CDYL: variants seen among roughly 807,000 people sequenced by gnomAD.
The protein encoded by CDYL is chromodomain Y-like protein.
CDYL carries 8 observed loss-of-function variants against 47.3 expected under a neutral mutation model. The ratio of observed to expected loss-of-function variants is 0.17; its 90% CI spans 0.10 to 0.31. The LOEUF (loss-of-function observed/expected upper bound fraction) is 0.31. Among genes scored for constraint, CDYL ranks in the 10% least tolerant of loss-of-function variants. The pLI, the probability that CDYL is intolerant of heterozygous loss-of-function variation, is 1.00. For missense variants in CDYL, 471 were observed against 701.4 expected, an observed-to-expected ratio of 0.67 and a Z score of 3.71; for synonymous variants, 266 against 265.0, an observed-to-expected ratio of 1.00 and a Z score of -0.04.
In CDYL at chr6:4,943,622, G is replaced by A. The variant is rs1323880797; in HGVS notation, c.1198G>A (p.Ala400Thr). Residue 400 changes from alanine to threonine, a missense_variant, in exon 5 of 7, where the codon GCA (alanine) becomes ACA (threonine). Ala to Thr is a moderately conservative substitution (Grantham distance 58). Transcript: ENST00000397588. Reference protein sequence around the residue: ...AVNGPAIGLGASILPLCDVVW... With the variant: ...AVNGPAIGLGTSILPLCDVVW... ...CAATGGCCCAGCCATTGGTCTAGGA[G>A]CATCTATATTGCCTCTTTGCGATGT... 6.2e-7 allele frequency: 1 copy of A among 1,613,980 alleles called. No individual in the cohort carries two copies. The highest frequency in any genetic ancestry group is 8.5e-7 in the Non-Finnish European group (1 of 1,179,954).
chr6:4,735,295 AAAAG>A (rs994154297), intron 3 of CDYL, among the ~76,000 whole-genome samples: 3 of 151,976 alleles, frequency 2.0e-5, no homozygotes, highest in African/African-American at 7.2e-5. Context: ...TGTCTCAAAA[AAAAG>A]AAAAAAAAAA....
At chr6:4,728,211 A>T (rs1757547939) in intron 2 of CDYL, among the ~76,000 whole-genome samples, 1 of 152,212 alleles carries the variant, frequency 6.6e-6, no homozygotes, top group African/African-American at 2.4e-5. Context: ...AGCAAAATTA[A>T]GCTTGCTTGT....
Position 4,802,016 on chromosome 6 carries a change from A to C in CDYL, c.24+25209A>C, listed in dbSNP as rs141418585. Among the ~76,000 whole-genome samples, 657 of 152,198 alleles carry C rather than the reference A, an allele frequency of 4.3e-3. 6 individuals are homozygous for C. The highest frequency in any genetic ancestry group is 0.015 in the African/African-American group (609 of 41,524). ...ATTCTAGTGCTGTCAGAGTGCTTTAAATTTCTAGCTGCTTCCCCAATTCCA... is the reference window on the plus strand; with the variant it reads ...ATTCTAGTGCTGTCAGAGTGCTTTACATTTCTAGCTGCTTCCCCAATTCCA... On this transcript the variant is annotated intron_variant, in intron 1 of 6. Coordinates refer to ENST00000397588, the MANE Select transcript of CDYL (RefSeq NM_004824.4).
intron 1 of CDYL, among the ~76,000 whole-genome samples, chr6:4,825,488 T>C (rs564053346): frequency 2.0e-5 from 3 of 152,328 alleles, no homozygotes; most frequent in African/African-American, 7.2e-5. Flanking sequence ...TTTTCATAAA[T>C]GTCCTTATCA....
intron 1 of CDYL, among the ~76,000 whole-genome samples, chr6:4,888,600 T>G (rs963865720): frequency 2.6e-5 from 4 of 152,188 alleles, no homozygotes; most frequent in Admixed American, 2.0e-4. Flanking sequence ...TTGTGTTGCT[T>G]TTAAAATATT....
chr6:4,773,854 T>C (rs1758375565), upstream of CDYL, among the ~76,000 whole-genome samples: 1 of 152,184 alleles, frequency 6.6e-6, no homozygotes, highest in South Asian at 2.1e-4. The surrounding 1 kb of genome is among the most constrained non-coding windows in gnomAD (Gnocchi z 4.6). Flanking sequence ...ATTGTCAAGA[T>C]TGAAAAGCTA....
At chr6:4,717,811 A>G (rs185411186) in intron 2 of CDYL, among the ~76,000 whole-genome samples, 97 of 145,286 alleles carry the variant, frequency 6.7e-4, no homozygotes, top group African/African-American at 2.3e-3. Context: ...TATTTTTTAC[A>G]TTGTCTTCAC....
chr6:4,718,341 C>T (rs975958089), intron 2 of CDYL, among the ~76,000 whole-genome samples: 8 of 152,146 alleles, frequency 5.3e-5, no homozygotes, highest in Middle Eastern at 3.4e-3. Flanking sequence ...TGCAGTGGCA[C>T]GATCTCAGCT....
chr6:4,762,101 A>G (rs1758183785), intron 3 of CDYL, among the ~76,000 whole-genome samples: 1 of 152,234 alleles, frequency 6.6e-6, no homozygotes, highest in African/African-American at 2.4e-5. Flanking sequence ...ATCTAAGGTG[A>G]CAGGGATTGG....
chr6:4,707,461 A>G (rs1378011485), intron 1 of CDYL, among the ~76,000 whole-genome samples: 1 of 152,112 alleles, frequency 6.6e-6, no homozygotes, highest in Non-Finnish European at 1.5e-5. Context: ...TTTAATAGAG[A>G]CTGGGTTTCA....
In CDYL at chr6:4,815,806, A is replaced by G. The variant is rs1269230099; in HGVS notation, c.24+38999A>G. 2.0e-5 allele frequency among the ~76,000 whole-genome samples: 3 copies of G among 146,674 alleles called. No individual in the cohort carries two copies. The East Asian group carries it at 6.0e-4, about 29-fold the overall frequency. On this transcript the variant is annotated intron_variant, in intron 1 of 6. Transcript: ENST00000397588. ...CCGTGTCAGCATTTTCTCCTAATTT[A>G]CTGCCTGTTTTGGCTTTTAAAAATA...
chr6:4,716,126 T>C (rs1480365140), intron 2 of CDYL, among the ~76,000 whole-genome samples: 1 of 151,850 alleles, frequency 6.6e-6, no homozygotes, highest in Non-Finnish European at 1.5e-5. Flanking sequence ...TGGGTGCCTG[T>C]AGTCCCAGCT....
rs1757925601 is a variant in CDYL at position 4,747,935 on chromosome 6, A to G, written c.186+13091A>G. On this transcript the variant is annotated intron_variant, in intron 3 of 8. Coordinates refer to the CDYL transcript ENST00000328908. ...CTACATTGTAAGTTCCAAGGAGAGA[A>G]ATGTCGTACCTTCTCCATCTTTGTA... 2.6e-5 allele frequency among the ~76,000 whole-genome samples: 4 copies of G among 152,194 alleles called. No homozygotes were observed. The South Asian group carries it at 8.3e-4, about 31-fold the overall frequency.
chr6:4,953,273 A>G (rs964025347), intron 6 of CDYL, among the ~76,000 whole-genome samples: 2 of 151,352 alleles, frequency 1.3e-5, no homozygotes, highest in African/African-American at 2.4e-5. Flanking sequence ...AATCCCAACT[A>G]CTCGAGAGGC....
chr6:4,817,574 TGTTAAA>T (rs1319630579), intron 1 of CDYL, among the ~76,000 whole-genome samples: 1 of 152,240 alleles, frequency 6.6e-6, no homozygotes, highest in Non-Finnish European at 1.5e-5. Flanking sequence ...TGGGAATTTT[TGTTAAA>T]GTTAGTATTT....
upstream of CDYL, among the ~76,000 whole-genome samples, chr6:4,771,672 T>G (rs1376111146): frequency 1.3e-5 from 2 of 152,210 alleles, no homozygotes; most frequent in Non-Finnish European, 2.9e-5. Flanking sequence ...TCCTTACCAG[T>G]CAAAATGTCC....
chr6:4,792,042 C>T (rs1253925080), intron 1 of CDYL, among the ~76,000 whole-genome samples: 1 of 149,970 alleles, frequency 6.7e-6, no homozygotes, highest in Non-Finnish European at 1.5e-5. Flanking sequence ...ACCACCACGC[C>T]CGGCTAATTT....
chr6:4,784,899 T>C (rs1561636180), intron 1 of CDYL, among the ~76,000 whole-genome samples: 1 of 151,488 alleles, frequency 6.6e-6, no homozygotes, highest in South Asian at 2.1e-4. Context: ...TAAAAAGGAG[T>C]TCCCCTGCAC....
rs114614957 is a variant in CDYL, at chr6:4,853,882, C to T, written c.25-37831C>T. On this transcript the variant is annotated intron_variant, in intron 1 of 6. Transcript: ENST00000397588. ...CACCTCTTAGCTGGCCTCGTGTGCT[C>T]CCGTGCCTTCGCACACCTTGTTTCT... is the stretch of plus-strand genomic sequence containing the variant. 2.4e-3 allele frequency among the ~76,000 whole-genome samples: 373 copies of T among 152,278 alleles called. 2 individuals carry two copies. Among genetic ancestry groups the T allele is most frequent in the African/African-American group, 8.8e-3 (364 of 41,510 alleles).
Sources: gnomAD v4.1 joint callset for allele counts (sites outside exome capture counted in the v4.1 genomes callset) on GRCh38, gnomAD v4.1.1 for gene constraint, Gnocchi (gnomAD v3.1) non-coding constraint, MANE v1.5 for transcripts, NCBI Gene and HGNC (gene_info 2026-07-23, HGNC 2026-07-21) for gene names.